The following NELL1 variants were observed in gnomAD, a reference collection of about 807,000 sequenced individuals.
NELL1 encodes protein kinase C-binding protein NELL1.
A neutral mutation model predicts 107.4 loss-of-function variants in NELL1; 76 were observed. The observed-to-expected ratio is 0.71, with a 90% CI of 0.59 to 0.86. The LOEUF (loss-of-function observed/expected upper bound fraction) is 0.86, where lower values mean the gene tolerates loss of function less well. NELL1 is among the 40% of genes least tolerant of loss of function. NELL1 has a pLI of 0.00. For missense variants in NELL1, 1,024 were observed against 1,005.5 expected (o/e 1.02, Z -0.25); for synonymous variants, 353 against 341.2 (o/e 1.03, Z -0.38).
At chr11:20,685,946 G>A (rs1854295710) in intron 2 of NELL1, among the ~76,000 whole-genome samples, 1 of 152,012 alleles carries the variant, frequency 6.6e-6, no homozygotes, top group Admixed American at 6.6e-5. Context: ...TTTTGAGGCA[G>A]TATTTAAGGG....
chr11:21,332,294 C>A (rs1470003026), intron 14 of NELL1, among the ~76,000 whole-genome samples: 1 of 151,950 alleles, frequency 6.6e-6, no homozygotes, highest in African/African-American at 2.4e-5. Flanking sequence ...ACAGTTTCCT[C>A]CTGTTAGGTA....
intron 2 of NELL1, among the ~76,000 whole-genome samples, chr11:20,743,670 G>A (rs1416289043): frequency 6.6e-6 from 1 of 152,012 alleles, no homozygotes; most frequent in Non-Finnish European, 1.5e-5. Context: ...TTGCTGGCTT[G>A]TCCTCAGCTT....
At chr11:20,952,998 C>A (rs1316340694) in intron 11 of NELL1, among the ~76,000 whole-genome samples, 1 of 152,168 alleles carries the variant, frequency 6.6e-6, no homozygotes, top group Non-Finnish European at 1.5e-5. Flanking sequence ...AGAGCCCAGG[C>A]TTCTCCTGTG....
chr11:21,056,730 C>T (rs1853624307), intron 12 of NELL1, among the ~76,000 whole-genome samples: 1 of 152,070 alleles, frequency 6.6e-6, no homozygotes, highest in Non-Finnish European at 1.5e-5. Flanking sequence ...TTCCTGTAAA[C>T]ATAAATGCAC....
rs1265305896 is a variant in NELL1 at position 21,099,228 on chromosome 11, CACACAA to C, written c.1301-14355_1301-14350del. Among the ~76,000 whole-genome samples the C allele has an allele frequency of 8.3e-3, 1,175 of 140,826 alleles. 15 individuals carry two copies. The highest frequency in any genetic ancestry group is 0.034 in the Admixed American group (473 of 13,958). 92.4% of individuals were successfully genotyped at this position (140,826 alleles called of 152,430 possible). A position where few individuals can be genotyped will look rare whatever the true frequency, so the allele number is the denominator to read the frequency against. On this transcript the variant is annotated intron_variant, in intron 12 of 19. Transcript: ENST00000357134. ...ACACACACACACACACACACACACA[CACACAA>C]ACACACACACACACACACGGATCAG...
In NELL1 at chr11:21,485,841, C is replaced by T. The variant is rs574758322; in HGVS notation, c.1646-48533C>T. 3.9e-5 allele frequency among the ~76,000 whole-genome samples: 6 copies of T among 152,180 alleles called. No individual in the cohort carries two copies. In the South Asian group the frequency reaches 6.2e-4, roughly 16 times the overall value. ...ACAATACTTAAGCATGACATCCAGGCGCCTGCAGATTGCCCAGCCCAATCC... is the reference window on the plus strand; with the variant it reads ...ACAATACTTAAGCATGACATCCAGGTGCCTGCAGATTGCCCAGCCCAATCC... On this transcript the variant is annotated intron_variant, in intron 15 of 19. Coordinates refer to ENST00000357134, the MANE Select transcript of NELL1 (RefSeq NM_006157.5).
intron 9 of NELL1, among the ~76,000 whole-genome samples, chr11:20,937,070 G>A (rs1346588701): frequency 6.6e-6 from 1 of 152,194 alleles, no homozygotes; most frequent in Non-Finnish European, 1.5e-5. Flanking sequence ...ATATCAAATT[G>A]ACATATGCTG....
chr11:21,294,931 A>ATTT (rs1491243465), intron 14 of NELL1, among the ~76,000 whole-genome samples: 1 of 152,070 alleles, frequency 6.6e-6, no homozygotes, highest in Non-Finnish European at 1.5e-5. Flanking sequence ...CCAAGAAGGC[A>ATTT]AAGTCAGTTG....
chr11:21,200,215 C>G lies in NELL1; in HGVS notation c.1427-29117C>G, dbSNP rs568064063. Among the ~76,000 whole-genome samples the G allele has an allele frequency of 1.3e-5, 2 of 152,108 alleles. 1 individual carries two copies. The highest frequency in any genetic ancestry group is 4.1e-4 in the South Asian group (2 of 4,820). ...TTCTAGTTCTAGATCCTTGAGGAAT[C>G]GCCACACTGTCTTCCACAATGGTTG... is the stretch of plus-strand genomic sequence containing the variant. On this transcript the variant is annotated intron_variant, in intron 13 of 19. Coordinates refer to ENST00000357134, the MANE Select transcript of NELL1 (RefSeq NM_006157.5).
intron 8 of NELL1, 119 bp downstream of exon 8, chr11:20,927,561 C>T (rs1850527499): frequency 1.1e-6 from 1 of 898,138 alleles, no homozygotes. Flanking sequence ...TAGGTTTTTA[C>T]CTAGCACCCA....
chr11:21,079,190 G>A (rs1854209155), intron 12 of NELL1, among the ~76,000 whole-genome samples: 1 of 151,872 alleles, frequency 6.6e-6, no homozygotes, highest in African/African-American at 2.4e-5. Context: ...ATTGATGAAA[G>A]GTAAACTTCA....
intron 14 of NELL1, among the ~76,000 whole-genome samples, chr11:21,272,922 C>G (rs1004091849): frequency 5.3e-5 from 8 of 152,050 alleles, no homozygotes; most frequent in Non-Finnish European, 1.2e-4. Flanking sequence ...TCATCAAAGA[C>G]CAAAGGTAGA....
intron 3 of NELL1, among the ~76,000 whole-genome samples, chr11:20,804,469 C>A (rs1857341306): frequency 6.6e-6 from 1 of 152,168 alleles, no homozygotes; most frequent in South Asian, 2.1e-4. Context: ...CTCCTGACAT[C>A]AAGTGATGCA....
intron 2 of NELL1, among the ~76,000 whole-genome samples, chr11:20,684,284 T>C (rs1260184218): frequency 1.3e-5 from 2 of 151,942 alleles, no homozygotes; most frequent in Non-Finnish European, 2.9e-5. Context: ...GACTAAAAAT[T>C]AAATTAAAAA....
intron 3 of NELL1, among the ~76,000 whole-genome samples, chr11:20,792,880 T>C (rs1468376672): frequency 2.6e-5 from 4 of 152,006 alleles, no homozygotes; most frequent in African/African-American, 2.4e-5. Context: ...AATACATTAA[T>C]AAGTGAGATG....
chr11:20,952,431 C>G (rs1293993118), intron 11 of NELL1, among the ~76,000 whole-genome samples: 1 of 152,138 alleles, frequency 6.6e-6, no homozygotes, highest in East Asian at 1.9e-4. Context: ...TGATTTTCCT[C>G]CCACCCAGTC....
intron 15 of NELL1, among the ~76,000 whole-genome samples, chr11:21,523,082 C>G (rs1212958609): frequency 6.6e-6 from 1 of 151,876 alleles, no homozygotes; most frequent in Non-Finnish European, 1.5e-5. Context: ...CTCCTGACCT[C>G]GTGATCCGCC....
intron 2 of NELL1, among the ~76,000 whole-genome samples, chr11:20,683,930 G>A (rs573291137): frequency 5.3e-4 from 79 of 150,340 alleles, no homozygotes; most frequent in Non-Finnish European, 9.5e-4. Flanking sequence ...TGTCCCTGGT[G>A]TGGTTTTTGT....
intron 16 of NELL1, among the ~76,000 whole-genome samples, chr11:21,539,193 A>G (rs1333272646): frequency 6.6e-6 from 1 of 151,998 alleles, no homozygotes; most frequent in African/African-American, 2.4e-5. Context: ...CAAACTCCTT[A>G]TGGGAGGGAG....
Sources: allele counts gnomAD v4.1 joint callset (sites outside exome capture counted in the v4.1 genomes callset), GRCh38; gene constraint gnomAD v4.1.1; transcripts MANE v1.5; gene names NCBI Gene and HGNC (gene_info 2026-07-23, HGNC 2026-07-21).